The following ABLIM1 variants were observed in gnomAD, a reference collection of about 807,000 sequenced individuals.
The protein encoded by ABLIM1 is actin binding LIM protein 1.
Under a neutral mutation model 107.0 loss-of-function variants are expected in ABLIM1, and 40 were observed. The observed-to-expected ratio is 0.37, with a 90% CI of 0.29 to 0.49. The LOEUF (loss-of-function observed/expected upper bound fraction) is 0.49. Among genes scored for constraint, ABLIM1 ranks in the 20% least tolerant of loss-of-function variants. ABLIM1 has a pLI of 0.97. For synonymous variants in ABLIM1, 357 were observed against 357.3 expected (o/e 1.00, Z 0.01); for missense variants, 857 against 1,008.5 (o/e 0.85, Z 2.04).
At chr10:114,439,721 G>C (rs2059930170) in intron 20 of ABLIM1, 1 of 352,754 alleles carries the variant, frequency 2.8e-6, no homozygotes, top group East Asian at 5.7e-5. Flanking sequence ...TTTCATTTGA[G>C]AACGCGCAGG....
At chr10:114,517,612 G>A (rs999719646) in intron 6 of ABLIM1, among the ~76,000 whole-genome samples, 1 of 151,614 alleles carries the variant, frequency 6.6e-6, no homozygotes, top group African/African-American at 2.4e-5. Flanking sequence ...TTTAAAGGGC[G>A]GGGAGGGGGG....
At chr10:114,799,079 T>G in the ABLIM1 span, among the ~76,000 whole-genome samples, 7 of 152,332 alleles carry the variant, frequency 4.6e-5, no homozygotes, top group African/African-American at 1.7e-4. Context: ...ATTACACGCA[T>G]GAGCCACTGT....
rs553987347 is a variant in ABLIM1, at chr10:114,432,497, T to C, written c.*3763A>G. 6.6e-6 allele frequency: 1 copy of C among 152,366 alleles called. No homozygotes were observed. Among genetic ancestry groups the C allele is most frequent in the Non-Finnish European group, 1.5e-5 (1 of 68,042 alleles). 9.4% of individuals were successfully genotyped at this position (152,366 alleles called of 1,614,324 possible). On this transcript the variant is annotated 3_prime_UTR_variant, in exon 23 of 23. Coordinates refer to ENST00000533213, the MANE Select transcript of ABLIM1 (RefSeq NM_002313.7). ...CTTACCTAGTCAAAAGTGGTTAATT[T>C]GAACTTTTCAAACTTGCAAAAGCAT...
At chr10:114,724,549 C>T (rs1461319580) in intron 1 of ABLIM1, among the ~76,000 whole-genome samples, 2 of 152,178 alleles carry the variant, frequency 1.3e-5, no homozygotes, top group Non-Finnish European at 2.9e-5. Flanking sequence ...CCAACCTGCT[C>T]TCTCCCTCAT....
intron 1 of ABLIM1, among the ~76,000 whole-genome samples, chr10:114,655,051 C>T (rs2079436714): frequency 6.6e-6 from 1 of 152,164 alleles, no homozygotes; most frequent in African/African-American, 2.4e-5. Context: ...CCCAGGGCCC[C>T]ATCTACTCTA....
intron 1 of ABLIM1, among the ~76,000 whole-genome samples, chr10:114,736,955 G>A (rs944343821): frequency 6.6e-6 from 1 of 152,206 alleles, no homozygotes; most frequent in Non-Finnish European, 1.5e-5. Flanking sequence ...TTGGAAGGCT[G>A]AGGCAGGCGG....
rs988475656 is a variant in ABLIM1 at position 114,431,753 on chromosome 10, A to G, written c.*4507T>C. The G allele has an allele frequency of 6.6e-6, 1 of 152,156 alleles. No homozygotes were observed. The highest frequency in any genetic ancestry group is 6.5e-5 in the Admixed American group (1 of 15,272). 9.4% of individuals were successfully genotyped at this position (152,156 alleles called of 1,614,324 possible). Reference sequence around the variant, plus strand: ...GGAATAATTTTATTGAATAACAACCACCACTCAATTACACTAAGCTTCAGA... The same window carrying G: ...GGAATAATTTTATTGAATAACAACCGCCACTCAATTACACTAAGCTTCAGA... On this transcript the variant is annotated 3_prime_UTR_variant, in exon 23 of 23. Transcript: ENST00000533213.
At chr10:114,770,923 C>T (rs188739992), upstream of ABLIM1, among the ~76,000 whole-genome samples, 20 of 152,286 alleles carry the variant, frequency 1.3e-4, no homozygotes, top group Non-Finnish European at 2.5e-4. Flanking sequence ...CTCCACCTCC[C>T]GTGCTCAAGT....
At chr10:114,670,295 C>T (rs1001955383) in intron 1 of ABLIM1, among the ~76,000 whole-genome samples, 4 of 152,126 alleles carry the variant, frequency 2.6e-5, no homozygotes, top group African/African-American at 9.7e-5. Context: ...TATTTCACCC[C>T]TAAAATTTCA....
chr10:114,561,954 G>A (rs2069771216), intron 4 of ABLIM1, among the ~76,000 whole-genome samples: 1 of 152,162 alleles, frequency 6.6e-6, no homozygotes, highest in South Asian at 2.1e-4. Flanking sequence ...TGATGTCTGG[G>A]TCATAATTGT....
intron 12 of ABLIM1, among the ~76,000 whole-genome samples, chr10:114,464,170 T>C (rs1349590945): frequency 6.7e-6 from 1 of 150,328 alleles, no homozygotes; most frequent in Non-Finnish European, 1.5e-5. Context: ...ATGAGCAGGG[T>C]GGCAGCATAA....
intron 1 of ABLIM1, among the ~76,000 whole-genome samples, chr10:114,742,232 G>C (rs1368571195): frequency 6.6e-6 from 1 of 152,022 alleles, no homozygotes; most frequent in Non-Finnish European, 1.5e-5. Context: ...TAAAATAAAG[G>C]CTCCATTAAG....
chr10:114,562,852 A>G (rs1282704941), intron 4 of ABLIM1, among the ~76,000 whole-genome samples: 1 of 152,140 alleles, frequency 6.6e-6, no homozygotes, highest in African/African-American at 2.4e-5. Context: ...AGCCAAAAAG[A>G]AAAAAACCCC....
upstream of ABLIM1, among the ~76,000 whole-genome samples, chr10:114,771,365 G>A (rs1258747968): frequency 6.6e-6 from 1 of 152,186 alleles, no homozygotes; most frequent in African/African-American, 2.4e-5. Flanking sequence ...CAAGTACTCC[G>A]TGCCTGCCTG....
chr10:114,462,823 C>G (rs1249014287), intron 12 of ABLIM1, among the ~76,000 whole-genome samples: 1 of 151,898 alleles, frequency 6.6e-6, no homozygotes, highest in Admixed American at 6.6e-5. Context: ...AAACATACTT[C>G]CTGCTTCTTC....
chr10:114,514,370 TC>T (rs1382531214), intron 6 of ABLIM1, among the ~76,000 whole-genome samples: 1 of 152,022 alleles, frequency 6.6e-6, no homozygotes, highest in Non-Finnish European at 1.5e-5. Context: ...CTGCAGTCAT[TC>T]CTTTGAATTA....
chr10:114,719,333 G>C (rs1354053854), intron 1 of ABLIM1, among the ~76,000 whole-genome samples: 1 of 152,150 alleles, frequency 6.6e-6, no homozygotes, highest in Non-Finnish European at 1.5e-5. Context: ...GCTGAATTTT[G>C]AACAGCCCTG....
At chr10:114,444,159 A>G in intron 16 of ABLIM1, 25 bp from the exon 17 acceptor site, 1 of 1,519,606 alleles carries the variant, frequency 6.6e-7, no homozygotes, top group South Asian at 1.2e-5. Context: ...AAGGAAAAAA[A>G]AAAAAAAAAG....
At chr10:114,529,126 CTTTT>C (rs548411103) in intron 6 of ABLIM1, among the ~76,000 whole-genome samples, 1 of 140,328 alleles carries the variant, frequency 7.1e-6, no homozygotes. Flanking sequence ...TCTTCATCCT[CTTTT>C]TTTTTTTTTT....
Sources: gnomAD v4.1 joint callset for allele counts (sites outside exome capture counted in the v4.1 genomes callset) on GRCh38, gnomAD v4.1.1 for gene constraint, MANE v1.5 for transcripts, NCBI Gene and HGNC (gene_info 2026-07-23, HGNC 2026-07-21) for gene names.